Variants in DEUP1 observed in about 807,000 individuals in gnomAD.
The protein encoded by DEUP1 is coiled-coil domain containing 67.
A neutral mutation model predicts 87.4 loss-of-function variants in DEUP1; 82 were observed. The ratio of observed to expected loss-of-function variants is 0.94; its 90% confidence interval spans 0.78 to 1.13. DEUP1 has a LOEUF of 1.13. Among genes scored for constraint, DEUP1 ranks in the 50% most tolerant of loss-of-function variants. DEUP1 has a pLI of 0.00. For synonymous variants in DEUP1, 214 were observed against 222.7 expected (o/e 0.96, Z 0.35); for missense variants, 663 against 681.5 (o/e 0.97, Z 0.30).
At chr11:93,338,137 T>C (rs1943866164) in intron 2 of DEUP1, among the ~76,000 whole-genome samples, 2 of 152,280 alleles carry the variant, frequency 1.3e-5, no homozygotes, top group African/African-American at 4.8e-5. Flanking sequence ...AGCAGTCTCA[T>C]TGGACAGCAG....
chr11:93,404,441 G>T (rs765103860), intron 11 of DEUP1, among the ~76,000 whole-genome samples: 3 of 151,840 alleles, frequency 2.0e-5, no homozygotes, highest in African/African-American at 4.8e-5. Flanking sequence ...TTCACCATCC[G>T]TAAAGTTTTC....
chr11:93,353,817 C>T (rs539067900), intron 2 of DEUP1, among the ~76,000 whole-genome samples: 14 of 152,210 alleles, frequency 9.2e-5, no homozygotes, highest in Non-Finnish European at 1.5e-4. Flanking sequence ...AGGCTGCACA[C>T]GGCATGGGGA....
chr11:93,383,705 T>C (rs929649226), intron 7 of DEUP1: 4 of 546,964 alleles, frequency 7.3e-6, no homozygotes, highest in African/African-American at 1.9e-5. Context: ...TTAAGAATTA[T>C]TGAACAAACA....
At chr11:93,411,493 CACTT>C (rs58008053) in intron 12 of DEUP1, among the ~76,000 whole-genome samples, 1,665 of 152,304 alleles carry the variant, frequency 0.011, 28 homozygotes, top group African/African-American at 0.038. Context: ...AATGCTCACT[CACTT>C]AAAATGTGAA....
intron 13 of DEUP1, among the ~76,000 whole-genome samples, chr11:93,417,686 A>C (rs1019116840): frequency 4.1e-5 from 6 of 146,422 alleles, no homozygotes; most frequent in Non-Finnish European, 7.5e-5. Context: ...ACTACTTTAA[A>C]GTTCATATGG....
At chr11:93,336,716 G>A (rs531756218) in intron 2 of DEUP1, among the ~76,000 whole-genome samples, 1 of 152,242 alleles carries the variant, frequency 6.6e-6, no homozygotes, top group East Asian at 1.9e-4. Flanking sequence ...CAGAGAATAT[G>A]CCTGGATTCG....
At chr11:93,429,508 A>G in intron 13 of DEUP1, among the ~76,000 whole-genome samples, 1 of 152,176 alleles carries the variant, frequency 6.6e-6, no homozygotes, top group East Asian at 1.9e-4. Context: ...GATCACAATT[A>G]GTGTCCGCTC....
At chr11:93,370,859 T>C (rs1000847133) in intron 6 of DEUP1, among the ~76,000 whole-genome samples, 179 bp from the exon 7 acceptor site, 1 of 152,178 alleles carries the variant, frequency 6.6e-6, no homozygotes, top group Non-Finnish European at 1.5e-5. Context: ...TTTCTCTATA[T>C]GCCATCTGAA....
At chr11:93,356,368 C>T (rs1241695917) in intron 3 of DEUP1, among the ~76,000 whole-genome samples, 1 of 152,034 alleles carries the variant, frequency 6.6e-6, no homozygotes, top group Non-Finnish European at 1.5e-5. Flanking sequence ...AGAGGTAGGT[C>T]ATCAAAACAT....
At chr11:93,383,465 A>C in intron 7 of DEUP1, 2 of 506,928 alleles carry the variant, frequency 3.9e-6, no homozygotes, top group Non-Finnish European at 7.0e-6. Flanking sequence ...AGCTGGAGGA[A>C]GGGGAAAATG....
chr11:93,384,091 C>G (rs1946423194), intron 7 of DEUP1, among the ~76,000 whole-genome samples: 1 of 152,172 alleles, frequency 6.6e-6, no homozygotes, highest in East Asian at 1.9e-4. Context: ...TAGAGAACAG[C>G]CAAGTACTGC....
chr11:93,351,115 G>A (rs1281664999), intron 2 of DEUP1, among the ~76,000 whole-genome samples: 1 of 150,078 alleles, frequency 6.7e-6, no homozygotes, highest in African/African-American at 2.4e-5. Flanking sequence ...ATTCATAGAG[G>A]GAATGCAAAC....
intron 13 of DEUP1, among the ~76,000 whole-genome samples, chr11:93,416,449 G>A (rs1037982228): frequency 5.9e-5 from 9 of 152,194 alleles, no homozygotes; most frequent in African/African-American, 1.7e-4. Flanking sequence ...TAAATTCCTC[G>A]ACACATACAC....
At chr11:93,347,344 C>G (rs1944403805) in intron 2 of DEUP1, among the ~76,000 whole-genome samples, 1 of 152,140 alleles carries the variant, frequency 6.6e-6, no homozygotes. Context: ...TGTTGAATCA[C>G]CCTTGCATCC....
At chr11:93,367,874 G>T (rs559754384) in intron 5 of DEUP1, among the ~76,000 whole-genome samples, 1 of 152,228 alleles carries the variant, frequency 6.6e-6, no homozygotes, top group East Asian at 1.9e-4. Context: ...CCATGTTTTT[G>T]TTCGTACATT....
intron 13 of DEUP1, among the ~76,000 whole-genome samples, chr11:93,429,191 A>G (rs1948029621): frequency 6.6e-6 from 1 of 152,184 alleles, no homozygotes; most frequent in Non-Finnish European, 1.5e-5. Context: ...CTATTTTGGT[A>G]GAAGAATGCT....
intron 2 of DEUP1, 76 bp from the exon 3 acceptor site, chr11:93,355,295 C>T (rs1944842740): frequency 2.4e-6 from 3 of 1,228,484 alleles, no homozygotes; most frequent in African/African-American, 3.0e-5. Context: ...TCAAGCTATG[C>T]AGAGCAATGT....
At chr11:93,417,474 G>T (rs554072589) in intron 13 of DEUP1, among the ~76,000 whole-genome samples, 45 of 152,196 alleles carry the variant, frequency 3.0e-4, no homozygotes, top group Non-Finnish European at 5.1e-4. Context: ...AACTTACAAG[G>T]GAAGTGAAGG....
At chr11:93,414,006 T>C (rs1408687139) in intron 12 of DEUP1, among the ~76,000 whole-genome samples, 1 of 152,172 alleles carries the variant, frequency 6.6e-6, no homozygotes, top group Non-Finnish European at 1.5e-5. Context: ...TACTAAACAT[T>C]TACTATGTGC....
Sources: gnomAD v4.1 joint callset for allele counts (sites outside exome capture counted in the v4.1 genomes callset) on GRCh38, gnomAD v4.1.1 for gene constraint, MANE v1.5 for transcripts, NCBI Gene and HGNC (gene_info 2026-07-23, HGNC 2026-07-21) for gene names.